WDHD1: variants seen among roughly 807,000 people sequenced by gnomAD.
WDHD1 encodes WD repeat and HMG-box DNA-binding protein 1.
In WDHD1, 111 loss-of-function variants were observed where a neutral mutation model predicts 135.4. The observed-to-expected ratio is 0.82, with a 90% CI of 0.70 to 0.96. The LOEUF (loss-of-function observed/expected upper bound fraction) is 0.96, where lower values mean the gene tolerates loss of function less well. Among genes scored for constraint, WDHD1 ranks in the 40% least tolerant of loss-of-function variants. The pLI is 0.00. For synonymous variants in WDHD1, 434 were observed against 439.0 expected (o/e 0.99, Z 0.14); for missense variants, 1,351 against 1,336.3 (o/e 1.01, Z -0.17).
At chr14:54,966,322 G>T (rs1199429494) in intron 18 of WDHD1, among the ~76,000 whole-genome samples, 153 bp downstream of exon 18, 2 of 148,388 alleles carry the variant, frequency 1.3e-5, no homozygotes, top group African/African-American at 5.1e-5. Flanking sequence ...GTGACAGAAC[G>T]AGACTCCGTC....
intron 6 of WDHD1, 144 bp downstream of exon 6, chr14:55,008,172 C>T: frequency 1.4e-6 from 1 of 718,422 alleles, no homozygotes; most frequent in Non-Finnish European, 2.2e-6. Flanking sequence ...ATACTGTGGA[C>T]TTTGATCACA....
intron 25 of WDHD1, 23 bp downstream of exon 25, chr14:54,944,309 A>G (rs770518512): frequency 1.3e-6 from 2 of 1,598,808 alleles, no homozygotes; most frequent in African/African-American, 2.7e-5. Flanking sequence ...CTAAGATCTC[A>G]ATCTCGGCAC....
chr14:54,984,692 T>C lies in WDHD1; in HGVS notation c.1906+31A>G, dbSNP rs199906739. ...GAAGAATATCTAACACTTTATATTA[T>C]ACTTGTTTTTTTTAAACAAATTTAT... On this transcript the variant is annotated intron_variant, in intron 15 of 25. Transcript: ENST00000360586. 299 of 1,578,424 alleles carry C rather than the reference T, an allele frequency of 1.9e-4. 1 individual carries two copies. The highest frequency in any genetic ancestry group is 3.7e-5 in the Non-Finnish European group (43 of 1,165,244).
At chr14:55,008,878 C>A (rs1566740648) in intron 4 of WDHD1, among the ~76,000 whole-genome samples, 159 bp from the exon 5 acceptor site, 1 of 151,734 alleles carries the variant, frequency 6.6e-6, no homozygotes, top group Non-Finnish European at 1.5e-5. Flanking sequence ...TCAACTGCAA[C>A]CTCCGCCTCC....
intron 10 of WDHD1, among the ~76,000 whole-genome samples, chr14:54,996,352 A>C (rs1209532023): frequency 1.3e-5 from 2 of 152,252 alleles, no homozygotes; most frequent in Non-Finnish European, 2.9e-5. Flanking sequence ...TCACACCTGT[A>C]ATCTCAGCAC....
At chr14:54,981,134 G>A (rs1182283683) in intron 16 of WDHD1, among the ~76,000 whole-genome samples, 1 of 152,012 alleles carries the variant, frequency 6.6e-6, no homozygotes, top group Non-Finnish European at 1.5e-5. Flanking sequence ...CTCCTATTAC[G>A]ATAATTAAGC....
intron 4 of WDHD1, 76 bp from the exon 5 acceptor site, chr14:55,008,795 T>G (rs368486779): frequency 2.7e-6 from 3 of 1,118,038 alleles, no homozygotes. Context: ...ATCCAAATAT[T>G]TCTTTTTTTT....
intron 9 of WDHD1, 100 bp from the exon 10 acceptor site, chr14:55,000,744 G>T (rs977024447): frequency 9.1e-7 from 1 of 1,099,308 alleles, no homozygotes; most frequent in South Asian, 3.6e-5. Context: ...AATGACTTTT[G>T]ACAATAATTT....
At chr14:54,991,700 AT>A (rs965588165) in intron 11 of WDHD1, among the ~76,000 whole-genome samples, 55 of 150,712 alleles carry the variant, frequency 3.6e-4, no homozygotes, top group Admixed American at 6.6e-4. Flanking sequence ...GCTTACACAG[AT>A]TTTTTTTTTA....
intron 10 of WDHD1, 84 bp from the exon 11 acceptor site, chr14:54,995,897 C>T: frequency 9.2e-7 from 1 of 1,084,060 alleles, no homozygotes; most frequent in Non-Finnish European, 1.3e-6. Context: ...TTTTAATATG[C>T]ACCTATAAAT....
At chr14:54,996,551 G>A (rs2041882704) in intron 10 of WDHD1, among the ~76,000 whole-genome samples, 1 of 152,160 alleles carries the variant, frequency 6.6e-6, no homozygotes, top group Admixed American at 6.5e-5. Flanking sequence ...AGTGAGCCAT[G>A]ATCTCACCAC....
chr14:55,015,489 A>G (rs185806710), intron 2 of WDHD1, among the ~76,000 whole-genome samples: 2 of 151,558 alleles, frequency 1.3e-5, no homozygotes, highest in African/African-American at 4.9e-5. Flanking sequence ...CACATAACAC[A>G]TGGTTAAATC....
At chr14:55,026,565 T>C in intron 2 of WDHD1, 146 bp downstream of exon 2, 1 of 778,086 alleles carries the variant, frequency 1.3e-6, no homozygotes, top group South Asian at 1.6e-5. Context: ...AATCAAACAA[T>C]AATCTAAAGA....
intron 24 of WDHD1, among the ~76,000 whole-genome samples, chr14:54,951,855 T>C (rs1355242093): frequency 6.6e-6 from 1 of 152,192 alleles, no homozygotes; most frequent in Non-Finnish European, 1.5e-5. Flanking sequence ...TAAATAAACG[T>C]AATCCAGCAT....
intron 24 of WDHD1, among the ~76,000 whole-genome samples, chr14:54,946,390 C>A (rs186981342): frequency 1.3e-5 from 2 of 152,292 alleles, no homozygotes; most frequent in East Asian, 3.9e-4. Flanking sequence ...ACATCTGTGA[C>A]AAAATATTAG....
In WDHD1 at chr14:54,951,541, A is replaced by C. The variant is rs562093070; in HGVS notation, c.3050+4020T>G. ...AACCAAATAAAAAGTCCAGGACCAG[A>C]TGGATTCACAGCCAAATTCTACCAG... On this transcript the variant is annotated intron_variant, in intron 24 of 25. Transcript: ENST00000360586. Among the ~76,000 whole-genome samples, 5 of 152,366 alleles carry C rather than the reference A, an allele frequency of 3.3e-5. No homozygotes were observed. In the East Asian group the frequency reaches 9.6e-4, roughly 29 times the overall value.
rs542713849 is a variant in WDHD1 at position 54,995,692 on chromosome 14, T to C, written c.1064A>G (p.Asn355Ser). Residue 355 changes from asparagine (N) to serine (S), a missense_variant, in exon 11 of 26, where the codon AAT becomes AGT. This residue lies in a region of WDHD1 where 1,330 missense variants were observed against 1,296.1 expected (regional missense o/e 1.03). Coordinates refer to ENST00000360586, the MANE Select transcript of WDHD1 (RefSeq NM_007086.4). The stretch of plus-strand genomic sequence containing the variant: ...GAGGTCTTCATCATCCTCATCATCA[T>C]TTATAATCCCTTTTGAAAAAGAAGG... Reference protein sequence around the residue: ...EIPSFSKGIINDDEDDEDLMM... With the variant: ...EIPSFSKGIISDDEDDEDLMM... 1 of 1,613,900 alleles carries C rather than the reference T, an allele frequency of 6.2e-7. No homozygotes were observed. The highest frequency in any genetic ancestry group is 1.1e-5 in the South Asian group (1 of 91,028).
chr14:54,979,070 C>T (rs1181318105), intron 16 of WDHD1, among the ~76,000 whole-genome samples: 2 of 152,052 alleles, frequency 1.3e-5, no homozygotes, highest in Non-Finnish European at 2.9e-5. Flanking sequence ...TACAAAAATG[C>T]TATAGAGTCA....
chr14:54,988,837 A>C (rs565539501), intron 13 of WDHD1, among the ~76,000 whole-genome samples, 191 bp downstream of exon 13: 1 of 152,138 alleles, frequency 6.6e-6, no homozygotes, highest in East Asian at 1.9e-4. Context: ...GCATGTAATG[A>C]GGGAATCATT....
Sources: gnomAD v4.1 joint callset for allele counts (sites outside exome capture counted in the v4.1 genomes callset) on GRCh38, gnomAD v4.1.1 for gene constraint, gnomAD v4.1.1 regional missense constraint, MANE v1.5 for transcripts, NCBI Gene and HGNC (gene_info 2026-07-23, HGNC 2026-07-21) for gene names.